The following EPHA10 variants were observed in gnomAD, a reference collection of about 807,000 sequenced individuals.
The protein encoded by EPHA10 is EPH receptor A10, also known as ephrin type-A receptor 10.
In EPHA10, 120 loss-of-function variants were observed where a neutral mutation model predicts 109.7. That is an observed-to-expected ratio of 1.09 (90% CI 0.94 to 1.27). The LOEUF (loss-of-function observed/expected upper bound fraction) is 1.27. EPHA10 is among the 50% of genes most tolerant of loss of function. The pLI, the probability that EPHA10 is intolerant of heterozygous loss-of-function variation, is 0.00. For synonymous variants in EPHA10, 640 were observed against 618.9 expected (o/e 1.03, Z -0.51); for missense variants, 1,396 against 1,411.1 (o/e 0.99, Z 0.17).
chr1:37,731,344 T>C (rs1214876727), intron 7 of EPHA10, 67 bp downstream of exon 7: 1 of 1,454,210 alleles, frequency 6.9e-7, no homozygotes, highest in Non-Finnish European at 9.2e-7. Flanking sequence ...TCTATTTGTC[T>C]CCCTACCTCA....
chr1:37,733,113 G>T (rs148543196), intron 6 of EPHA10, among the ~76,000 whole-genome samples: 2 of 151,116 alleles, frequency 1.3e-5, no homozygotes, highest in Admixed American at 1.3e-4. Context: ...GGCTGGTCTC[G>T]AACTCCTGAC....
At chr1:37,733,140 G>A (rs1177442145) in intron 6 of EPHA10, among the ~76,000 whole-genome samples, 1 of 151,642 alleles carries the variant, frequency 6.6e-6, no homozygotes, top group East Asian at 1.9e-4. Flanking sequence ...TGATCCACCT[G>A]CCTTGGCCTC....
At chr1:37,760,010 A>G (rs1646418094) in intron 3 of EPHA10, among the ~76,000 whole-genome samples, 1 of 152,224 alleles carries the variant, frequency 6.6e-6, no homozygotes, top group Non-Finnish European at 1.5e-5. Context: ...ATTCATCTAT[A>G]TACATATAAT....
chr1:37,737,723 C>T (rs1193125293), intron 5 of EPHA10, among the ~76,000 whole-genome samples: 2 of 152,134 alleles, frequency 1.3e-5, no homozygotes, highest in Admixed American at 6.5e-5. Flanking sequence ...GGATATGACA[C>T]CAAAAGCACA....
intron 5 of EPHA10, among the ~76,000 whole-genome samples, chr1:37,747,943 T>G (rs115339583): frequency 0.017 from 2,602 of 152,232 alleles, 44 homozygotes; most frequent in Non-Finnish European, 0.024. Flanking sequence ...AAAGTGAAGT[T>G]AACTCCAGGT....
chr1:37,741,458 G>T (rs1312547142), intron 5 of EPHA10, among the ~76,000 whole-genome samples: 1 of 152,116 alleles, frequency 6.6e-6, no homozygotes, highest in Non-Finnish European at 1.5e-5. Flanking sequence ...AGTCTTAAAT[G>T]GTATATATAT....
intron 7 of EPHA10, among the ~76,000 whole-genome samples, chr1:37,730,656 T>C (rs998295169): frequency 3.3e-5 from 5 of 152,156 alleles, no homozygotes; most frequent in African/African-American, 1.2e-4. Flanking sequence ...TGAGATATCG[T>C]TCGCATACCA....
chr1:37,726,982 G>T, intron 8 of EPHA10, 120 bp downstream of exon 8: 1 of 686,598 alleles, frequency 1.5e-6, no homozygotes, highest in Non-Finnish European at 2.4e-6. Flanking sequence ...TTGTACAGCA[G>T]TGTGCTTGCA....
intron 3 of EPHA10, chr1:37,760,920 C>G (rs1489197079): frequency 1.1e-5 from 2 of 187,408 alleles, no homozygotes; most frequent in Non-Finnish European, 2.2e-5. Context: ...CCCGTCTCTA[C>G]TAAAAATACA....
At chr1:37,725,926 G>T (rs1336377457) in intron 8 of EPHA10, among the ~76,000 whole-genome samples, 1 of 152,204 alleles carries the variant, frequency 6.6e-6, no homozygotes, top group Non-Finnish European at 1.5e-5. Context: ...AGCCCACCAG[G>T]CTGGGACATG....
intron 4 of EPHA10, 148 bp from the exon 5 acceptor site, chr1:37,753,374 A>G (rs985653166): frequency 2.0e-5 from 9 of 452,372 alleles, no homozygotes; most frequent in Admixed American, 9.3e-5. Flanking sequence ...GGAGGGAACC[A>G]GGGCGTTCAT....
rs1164540141 is a variant in EPHA10 at position 37,721,889 on chromosome 1, C to T, written c.1961-44G>A. The T allele has an allele frequency of 4.8e-6, 7 of 1,466,758 alleles. No homozygotes were observed. The South Asian group carries it at 9.7e-5, about 20-fold the overall frequency. The allele number at this position is 1,466,758 out of a possible 1,614,324, so 90.9% of individuals were successfully genotyped here. ...TCAGATACCGCCAGAGGCCACTGCCCTGGCTGAGCTGGGCAGGCTGAGCCG... is the reference window on the plus strand; with the variant it reads ...TCAGATACCGCCAGAGGCCACTGCCTTGGCTGAGCTGGGCAGGCTGAGCCG... On this transcript the variant is annotated intron_variant, in intron 10 of 16. Transcript: ENST00000373048.
At chr1:37,761,141 G>C in intron 3 of EPHA10, 1 of 1,256,870 alleles carries the variant, frequency 8.0e-7, no homozygotes, top group Non-Finnish European at 1.0e-6. Flanking sequence ...ATAAATAAAC[G>C]AGAAGGCCTG....
At chr1:37,724,747 G>A (rs537522737) in intron 8 of EPHA10, among the ~76,000 whole-genome samples, 1 of 152,320 alleles carries the variant, frequency 6.6e-6, no homozygotes, top group South Asian at 2.1e-4. Context: ...ACAGGGGGAA[G>A]CGGCCACCGC....
chr1:37,758,310 G>C (rs1646406582), intron 3 of EPHA10, among the ~76,000 whole-genome samples: 1 of 152,032 alleles, frequency 6.6e-6, no homozygotes, highest in African/African-American at 2.4e-5. Flanking sequence ...ATACAAACAA[G>C]TCTCTCCCAT....
rs368627745 is a variant in EPHA10 at position 37,720,396 on chromosome 1, G to A, written c.2367C>T (p.Phe789=). The A allele has an allele frequency of 2.1e-5, 34 of 1,612,958 alleles. No individual in the cohort carries two copies. Among genetic ancestry groups the A allele is most frequent in the East Asian group, 2.2e-5 (1 of 44,886 alleles). Residue 789 remains phenylalanine (F), a synonymous_variant, in exon 13 of 17, where the codon TTC becomes TTT. Transcript: ENST00000373048. ...SSDLVCKISG[F]GRGPRDRSEA... ...CTGATCGGTCCCGGGGGCCCCGCCC[G>A]AAGCCAGAGATCTTGCAGACAAGGT...
intron 15 of EPHA10, 68 bp downstream of exon 15, chr1:37,719,346 C>T: frequency 6.4e-7 from 1 of 1,553,940 alleles, no homozygotes; most frequent in Admixed American, 1.9e-5. Context: ...GGTGGGTTTG[C>T]ACTTGCAACA....
chr1:37,732,860 G>GT (rs1557541356), intron 6 of EPHA10, among the ~76,000 whole-genome samples: 5 of 25,792 alleles, frequency 1.9e-4, no homozygotes, highest in African/African-American at 7.6e-4. Context: ...TTTTATACTT[G>GT]TTCTTTTTTT....
intron 3 of EPHA10, among the ~76,000 whole-genome samples, chr1:37,757,913 C>T (rs1336575828): frequency 6.6e-6 from 1 of 152,114 alleles, no homozygotes; most frequent in African/African-American, 2.4e-5. Flanking sequence ...CACAAATGCC[C>T]CCATCCACAA....
Sources: gnomAD v4.1 joint callset for allele counts (sites outside exome capture counted in the v4.1 genomes callset) on GRCh38, gnomAD v4.1.1 for gene constraint, MANE v1.5 for transcripts, NCBI Gene and HGNC (gene_info 2026-07-23, HGNC 2026-07-21) for gene names.